Variants in MAGI1 observed in about 807,000 individuals in gnomAD.
The protein encoded by MAGI1 is membrane-associated guanylate kinase, WW and PDZ domain-containing protein 1.
MAGI1 carries 58 observed loss-of-function variants against 139.9 expected under a neutral mutation model. The ratio of observed to expected loss-of-function variants is 0.41; its 90% CI spans 0.34 to 0.52. The LOEUF is 0.52. Among genes scored for constraint, MAGI1 ranks in the 20% least tolerant of loss-of-function variants. The pLI is 0.12. For missense variants in MAGI1, 1,874 were observed against 1,901.6 expected (o/e 0.99, Z 0.27); for synonymous variants, 812 against 737.9 (o/e 1.10, Z -1.63).
intron 2 of MAGI1, among the ~76,000 whole-genome samples, chr3:65,586,270 A>C (rs998994001): frequency 1.7e-4 from 26 of 152,184 alleles, no homozygotes; most frequent in African/African-American, 6.3e-4. Context: ...AGAAAAGCTA[A>C]ATCTAATACC....
chr3:65,979,092 C>CCT lies in MAGI1; in HGVS notation c.313+58903_313+58904insAG, dbSNP rs1553742262. Among the ~76,000 whole-genome samples the CCT allele has an allele frequency of 9.7e-4, 51 of 52,328 alleles. 2 individuals carry two copies. The highest frequency in any genetic ancestry group is 2.0e-3 in the Admixed American group (7 of 3,440). The allele number at this position is 52,328 out of a possible 152,430, so 34.3% of individuals were successfully genotyped here. A position where few individuals can be genotyped will look rare whatever the true frequency, so the allele number is the denominator to read the frequency against. On this transcript the variant is annotated intron_variant, in intron 1 of 22. Transcript: ENST00000402939. Reference sequence around the variant, plus strand: ...GCCAAAGTTTTTTTCTTTTCTTCCCCCCCCCCGCCACCCCCCACAGCTACT... The same window carrying CCT: ...GCCAAAGTTTTTTTCTTTTCTTCCCCCTCCCCCCGCCACCCCCCACAGCTACT...
chr3:65,790,317 A>G (rs1337448252), intron 1 of MAGI1, among the ~76,000 whole-genome samples: 1 of 152,194 alleles, frequency 6.6e-6, no homozygotes, highest in East Asian at 1.9e-4. Flanking sequence ...CTTAATTACA[A>G]CAGTTCACAT....
intron 1 of MAGI1, among the ~76,000 whole-genome samples, chr3:65,867,683 T>C (rs753701248): frequency 2.7e-4 from 41 of 151,996 alleles, no homozygotes; most frequent in Non-Finnish European, 8.8e-5. Flanking sequence ...AGCCTAGAAG[T>C]GCAAGGCTGC....
intron 1 of MAGI1, among the ~76,000 whole-genome samples, chr3:65,932,608 T>C (rs779285504): frequency 1.3e-5 from 2 of 152,186 alleles, no homozygotes; most frequent in Admixed American, 6.5e-5. Context: ...ATTGAAGCTC[T>C]ACCTATGAAA....
intron 1 of MAGI1, among the ~76,000 whole-genome samples, chr3:65,876,627 G>T (rs1324333976): frequency 6.6e-6 from 1 of 152,084 alleles, no homozygotes; most frequent in Non-Finnish European, 1.5e-5. Context: ...AGAGTTAAAG[G>T]TGGTGCCCTC....
chr3:65,930,314 TCAAAAAAAA>T (rs2062746306), intron 1 of MAGI1, among the ~76,000 whole-genome samples: 1 of 14,634 alleles, frequency 6.8e-5, no homozygotes, highest in African/African-American at 2.5e-4. Flanking sequence ...AGACTCCGTC[TCAAAAAAAA>T]AAAAAAAAAA....
intron 1 of MAGI1, among the ~76,000 whole-genome samples, chr3:66,027,741 C>A (rs1309925833): frequency 6.6e-6 from 1 of 152,180 alleles, no homozygotes; most frequent in African/African-American, 2.4e-5. Context: ...AGCATGGAGT[C>A]ATGCCTGTAG....
intron 22 of MAGI1, chr3:65,360,528 G>C (rs1280523134): frequency 2.0e-6 from 2 of 984,834 alleles, no homozygotes; most frequent in African/African-American, 3.5e-5. Flanking sequence ...TTTCCTCATA[G>C]GAAAGGTATA....
At chr3:65,542,659 T>G (rs2079294191) in intron 2 of MAGI1, among the ~76,000 whole-genome samples, 1 of 152,122 alleles carries the variant, frequency 6.6e-6, no homozygotes, top group Non-Finnish European at 1.5e-5. Flanking sequence ...GGGAAAGGAC[T>G]CCCTATTTAA....
chr3:65,712,185 A>G (rs2031537895), intron 1 of MAGI1, among the ~76,000 whole-genome samples: 1 of 152,144 alleles, frequency 6.6e-6, no homozygotes, highest in East Asian at 1.9e-4. Flanking sequence ...CCCACAGAAT[A>G]TGACAGAAGT....
At chr3:65,633,705 G>A (rs2084437924) in intron 1 of MAGI1, among the ~76,000 whole-genome samples, 1 of 151,872 alleles carries the variant, frequency 6.6e-6, no homozygotes, top group South Asian at 2.1e-4. Flanking sequence ...ATTTATTCCA[G>A]TTACACTAAG....
intron 1 of MAGI1, among the ~76,000 whole-genome samples, chr3:65,740,393 TTGTTAA>T (rs1371748320): frequency 2.6e-5 from 4 of 152,202 alleles, no homozygotes; most frequent in African/African-American, 9.6e-5. Flanking sequence ...GTGCTTGGAA[TTGTTAA>T]TGAGCTTGCA....
intron 4 of MAGI1, among the ~76,000 whole-genome samples, chr3:65,473,196 C>T (rs938748266): frequency 1.6e-4 from 24 of 152,106 alleles, no homozygotes; most frequent in African/African-American, 5.8e-4. Flanking sequence ...GTCTTCAGGC[C>T]AGACCTGTCC....
intron 22 of MAGI1, chr3:65,359,921 A>G: frequency 1.0e-6 from 1 of 985,400 alleles, no homozygotes; most frequent in Non-Finnish European, 1.2e-6. Context: ...ACAATGTTAC[A>G]CAGTTTCAGT....
At chr3:65,614,497 G>A (rs753273910) in intron 2 of MAGI1, among the ~76,000 whole-genome samples, 36 of 152,224 alleles carry the variant, frequency 2.4e-4, no homozygotes, top group Non-Finnish European at 4.0e-4. Context: ...AGGAAATAAT[G>A]TAAGTAATGT....
At chr3:65,574,838 CA>C (rs2081108277) in intron 2 of MAGI1, among the ~76,000 whole-genome samples, 1 of 151,912 alleles carries the variant, frequency 6.6e-6, no homozygotes, top group Admixed American at 6.6e-5. Context: ...AACAAAGATG[CA>C]AAGACAATTA....
chr3:65,900,709 C>T (rs1390243), intron 1 of MAGI1, among the ~76,000 whole-genome samples: 1,691 of 152,334 alleles, frequency 0.011, 10 homozygotes, highest in Non-Finnish European at 0.019. Context: ...TAGCCATTTT[C>T]TTACCCCTAT....
intron 7 of MAGI1, among the ~76,000 whole-genome samples, chr3:65,445,327 T>G (rs1948609187): frequency 6.6e-6 from 1 of 152,186 alleles, no homozygotes; most frequent in Non-Finnish European, 1.5e-5. Context: ...CTTAGCACAG[T>G]TCCTGGCACA....
intron 1 of MAGI1, among the ~76,000 whole-genome samples, chr3:65,764,463 T>G (rs373502753): frequency 3.3e-5 from 5 of 152,384 alleles, no homozygotes; most frequent in Non-Finnish European, 7.3e-5. Context: ...ATGTTTGCTA[T>G]GTTTTCAAAA....
Sources: allele counts gnomAD v4.1 joint callset (sites outside exome capture counted in the v4.1 genomes callset), GRCh38; gene constraint gnomAD v4.1.1; transcripts MANE v1.5; gene names NCBI Gene and HGNC (gene_info 2026-07-23, HGNC 2026-07-21).